The following TMEM245 variants were observed in gnomAD, a reference collection of about 807,000 sequenced individuals.
TMEM245 encodes protein CG-2.
TMEM245 carries 69 observed loss-of-function variants against 101.2 expected under a neutral mutation model. That is an observed-to-expected ratio of 0.68 (90% CI 0.56 to 0.83). The LOEUF (loss-of-function observed/expected upper bound fraction) is 0.83. TMEM245 is among the 40% of genes least tolerant of loss of function. The pLI, the probability that TMEM245 is intolerant of heterozygous loss-of-function variation, is 0.00. For missense variants in TMEM245, 1,075 were observed against 1,092.8 expected, an observed-to-expected ratio of 0.98 and a Z score of 0.23; for synonymous variants, 537 against 449.8, an observed-to-expected ratio of 1.19 and a Z score of -2.45.
At chr9:109,055,020 T>C (rs564316195) in intron 12 of TMEM245, among the ~76,000 whole-genome samples, 33 of 152,348 alleles carry the variant, frequency 2.2e-4, no homozygotes, top group African/African-American at 7.7e-4. Context: ...CTTTTCTTTT[T>C]GAGGGATTAC....
intron 11 of TMEM245, among the ~76,000 whole-genome samples, chr9:109,057,621 C>A (rs551413530): frequency 1.3e-5 from 2 of 151,936 alleles, no homozygotes; most frequent in South Asian, 4.2e-4. Context: ...CGTGGTGGCA[C>A]GTGCCTGTAA....
chr9:109,073,722 C>T (rs1030381662), intron 8 of TMEM245, among the ~76,000 whole-genome samples: 1 of 152,174 alleles, frequency 6.6e-6, no homozygotes, highest in Non-Finnish European at 1.5e-5. Flanking sequence ...TATGTACATA[C>T]ATTTCATTTG....
chr9:109,071,070 G>A (rs1260081816), intron 9 of TMEM245, among the ~76,000 whole-genome samples: 8 of 151,726 alleles, frequency 5.3e-5, no homozygotes, highest in African/African-American at 1.9e-4. Flanking sequence ...TAGTAGAGAT[G>A]GGGTTTCACC....
At chr9:109,109,277 G>A (rs374377568) in intron 1 of TMEM245, among the ~76,000 whole-genome samples, 4 of 152,144 alleles carry the variant, frequency 2.6e-5, no homozygotes, top group African/African-American at 9.6e-5. Flanking sequence ...AGCTTAAGAC[G>A]CATCAAAAGA....
intron 17 of TMEM245, among the ~76,000 whole-genome samples, chr9:109,027,063 A>G (rs1222700101): frequency 2.6e-5 from 4 of 152,198 alleles, no homozygotes; most frequent in East Asian, 1.9e-4. Context: ...GCAATGAAAA[A>G]CAGACTAACA....
At chr9:109,073,812 AGT>A (rs2132490152) in intron 8 of TMEM245, among the ~76,000 whole-genome samples, 1 of 150,804 alleles carries the variant, frequency 6.6e-6, no homozygotes, top group South Asian at 2.1e-4. Flanking sequence ...TTCATCACGC[AGT>A]GTGAGACAAA....
intron 1 of TMEM245, among the ~76,000 whole-genome samples, chr9:109,117,697 T>C (rs890435087): frequency 4.6e-5 from 7 of 152,264 alleles, no homozygotes; most frequent in African/African-American, 7.2e-5. Context: ...CTTCTTACTC[T>C]AGCATGAAAA....
chr9:109,037,283 A>C (rs643410), intron 15 of TMEM245, among the ~76,000 whole-genome samples: 141,912 of 152,236 alleles, frequency 0.93, 66,235 homozygotes, highest in East Asian at 1. Flanking sequence ...TTTGACAACA[A>C]GTTGCTCCCT....
intron 1 of TMEM245, among the ~76,000 whole-genome samples, chr9:109,116,540 C>CTT (rs60227718): frequency 6.8e-6 from 1 of 147,580 alleles, no homozygotes; most frequent in African/African-American, 2.5e-5. Context: ...TTTTTTTTTT[C>CTT]TTTTTTTTTG....
At chr9:109,035,810 C>T (rs2132321425) in intron 16 of TMEM245, among the ~76,000 whole-genome samples, 1 of 151,416 alleles carries the variant, frequency 6.6e-6, no homozygotes, top group East Asian at 1.9e-4. Context: ...TGGTTCATTC[C>T]CGTAATCCTA....
chr9:109,028,171 C>T (rs906188454), intron 17 of TMEM245, among the ~76,000 whole-genome samples: 6 of 151,370 alleles, frequency 4.0e-5, no homozygotes, highest in South Asian at 2.1e-4. Flanking sequence ...AAATGCTGGC[C>T]GGGCACAGTG....
intron 4 of TMEM245, among the ~76,000 whole-genome samples, chr9:109,092,101 T>C (rs1830024690): frequency 6.6e-6 from 1 of 152,210 alleles, no homozygotes; most frequent in Non-Finnish European, 1.5e-5. Flanking sequence ...TTGTAGCATG[T>C]TCTACTTATC....
At chr9:109,056,784 A>G (rs929024741) in intron 12 of TMEM245, among the ~76,000 whole-genome samples, 1 of 152,210 alleles carries the variant, frequency 6.6e-6, no homozygotes, top group Admixed American at 6.5e-5. Context: ...GTTAGCACTT[A>G]GGAATGCTGC....
chr9:109,046,171 C>T, intron 14 of TMEM245: 1 of 522,078 alleles, frequency 1.9e-6, no homozygotes, highest in Admixed American at 2.0e-5. Flanking sequence ...CACCCACTGG[C>T]ACTGAAAAGC....
At chr9:109,103,809 G>A (rs201732055) in intron 3 of TMEM245, among the ~76,000 whole-genome samples, 1 of 152,116 alleles carries the variant, frequency 6.6e-6, no homozygotes, top group Non-Finnish European at 1.5e-5. Context: ...AAATGGACAG[G>A]GCGTGGTGGC....
intron 8 of TMEM245, among the ~76,000 whole-genome samples, chr9:109,076,195 T>C (rs1487460922): frequency 1.3e-5 from 2 of 152,064 alleles, no homozygotes; most frequent in East Asian, 1.9e-4. Flanking sequence ...TGGAATACTA[T>C]GCAGCCATAA....
At chr9:109,060,767 T>C (rs1460491147) in intron 10 of TMEM245, among the ~76,000 whole-genome samples, 2 of 152,224 alleles carry the variant, frequency 1.3e-5, no homozygotes, top group African/African-American at 4.8e-5. Flanking sequence ...AGAAAAATCT[T>C]TCCCCTGTAA....
Position 109,119,667 on chromosome 9 carries a change from G to T in TMEM245, c.247C>A (p.Pro83Thr). 1 of 1,555,688 alleles carries T rather than the reference G, an allele frequency of 6.4e-7. No individual in the cohort carries two copies. Residue 83 changes from proline to threonine, a missense_variant, in exon 1 of 18, where the codon CCG (proline) becomes ACG (threonine). By Grantham distance (38) the Pro-to-Thr change is conservative (BLOSUM62 -1). Transcript: ENST00000374586. The part of the protein sequence containing the change: ...VYFILEAFLR[P>T]LLWAVLCGTF... ...CCGCATAGCACGGCCCAGAGCAGCG[G>T]CCGCAGGAAGGCCTCCAGGATGAAG...
chr9:109,058,405 G>A (rs1027810247), intron 11 of TMEM245, among the ~76,000 whole-genome samples: 1 of 152,062 alleles, frequency 6.6e-6, no homozygotes, highest in Non-Finnish European at 1.5e-5. Context: ...CTATCTGGAA[G>A]ACATTGGCAG....
Sources: gnomAD v4.1 joint callset for allele counts (sites outside exome capture counted in the v4.1 genomes callset) on GRCh38, gnomAD v4.1.1 for gene constraint, MANE v1.5 for transcripts, NCBI Gene and HGNC (gene_info 2026-07-23, HGNC 2026-07-21) for gene names.